Variants in CKAP5 observed in about 807,000 individuals in gnomAD.
CKAP5 encodes the protein cytoskeleton associated protein 5.
Under a neutral mutation model 232.8 loss-of-function variants are expected in CKAP5, and 27 were observed. The ratio of observed to expected loss-of-function variants is 0.12; its 90% CI spans 0.09 to 0.16. The LOEUF is 0.16. CKAP5 is among the 10% of genes least tolerant of loss of function. The pLI is 1.00. For synonymous variants in CKAP5, 785 were observed against 841.1 expected (o/e 0.93, Z 1.16); for missense variants, 1,838 against 2,424.7 (o/e 0.76, Z 5.08).
intron 1 of CKAP5, among the ~76,000 whole-genome samples, chr11:46,844,732 C>G (rs1246210211): frequency 6.6e-6 from 1 of 152,120 alleles, no homozygotes; most frequent in Non-Finnish European, 1.5e-5. Context: ...ACCTCTGTCT[C>G]CCGGGTTCAA....
intron 2 of CKAP5, among the ~76,000 whole-genome samples, chr11:46,818,921 G>A (rs1360622745): frequency 1.3e-5 from 2 of 152,068 alleles, no homozygotes; most frequent in African/African-American, 4.8e-5. Context: ...ATATTACACT[G>A]TATATTAATT....
chr11:46,824,077 T>C (rs557216834), intron 1 of CKAP5, among the ~76,000 whole-genome samples: 1 of 152,316 alleles, frequency 6.6e-6, no homozygotes, highest in South Asian at 2.1e-4. Context: ...TTCACAAATA[T>C]TAAGTAACCT....
chr11:46,790,123 T>C lies in CKAP5; in HGVS notation c.1828A>G (p.Ser610Gly), dbSNP rs1354659622. 6.2e-7 allele frequency: 1 copy of C among 1,612,208 alleles called. No individual in the cohort carries two copies. The highest frequency in any genetic ancestry group is 1.7e-5 in the Admixed American group (1 of 60,014). Residue 610 changes from serine to glycine, a missense_variant, in exon 15 of 44, where the codon AGC (serine) becomes GGC (glycine). Ser to Gly is a moderately conservative substitution (Grantham distance 56). Transcript: ENST00000529230. ...LPPTCIQLLD[S>G]SNWKERLACM... is the part of the protein sequence containing the mutation. ...GCCAGCCTTTCTTTCCAGTTACTGC[T>C]GTCAAGAAGCTGTATACAGGTAGGG...
At chr11:46,843,109 C>A (rs1940100495) in intron 1 of CKAP5, among the ~76,000 whole-genome samples, 1 of 151,674 alleles carries the variant, frequency 6.6e-6, no homozygotes, top group Non-Finnish European at 1.5e-5. Context: ...CAAAGGGAGA[C>A]CCTGCTGGTC....
chr11:46,814,086 C>T (rs1046259041), intron 4 of CKAP5, among the ~76,000 whole-genome samples: 2 of 136,964 alleles, frequency 1.5e-5, no homozygotes, highest in African/African-American at 2.8e-5. Flanking sequence ...GAGCTGAGAT[C>T]GTACCACTGC....
At chr11:46,818,559 C>A in intron 2 of CKAP5, 56 bp from the exon 3 acceptor site, 1 of 1,239,502 alleles carries the variant, frequency 8.1e-7, no homozygotes, top group Non-Finnish European at 1.1e-6. Flanking sequence ...TTATCATCTA[C>A]TATTAATCTG....
chr11:46,795,156 C>T (rs1169489749), intron 13 of CKAP5, among the ~76,000 whole-genome samples: 1 of 151,962 alleles, frequency 6.6e-6, no homozygotes, highest in African/African-American at 2.4e-5. Context: ...TGGCAAATTC[C>T]CATCTCTACT....
At position 46,767,696 on chromosome 11, in the gene CKAP5, CTT is replaced by C. The variant is rs577528674; in HGVS notation, c.3323-35_3323-34del. On this transcript the variant is annotated intron_variant, in intron 26 of 43. Transcript: ENST00000529230. ...GAAAAAAATATATATATACTATAAA[CTT>C]TAACTAATATCATTTTATTTTGGAC... The C allele has an allele frequency of 1.9e-4, 248 of 1,310,642 alleles. 4 individuals are homozygous for C. In the South Asian group the frequency reaches 2.6e-3, roughly 14 times the overall value. The allele number at this position is 1,310,642 out of a possible 1,614,324, so 81.2% of individuals were successfully genotyped here.
chr11:46,783,313 T>C lies in CKAP5; in HGVS notation c.2210A>G (p.Asn737Ser). ...KNPKNQSETL[N>S]WLSNAIKEFG... ...TTCTTTTATGGCATTTGATAGCCAATTCAGAGTTTCTGACTGATTTTTGGG... is the reference window on the plus strand; with the variant it reads ...TTCTTTTATGGCATTTGATAGCCAACTCAGAGTTTCTGACTGATTTTTGGG... Residue 737 changes from asparagine (N) to serine (S), a missense_variant, in exon 18 of 44, where the codon AAT becomes AGT. Physicochemically the swap from Asn to Ser is conservative, Grantham distance 46. This residue lies in a region of CKAP5 where 767 missense variants were observed against 954.6 expected (regional missense o/e 0.80). Transcript: ENST00000529230. The C allele has an allele frequency of 6.2e-7, 1 of 1,612,938 alleles. No homozygotes were observed. The highest frequency in any genetic ancestry group is 8.5e-7 in the Non-Finnish European group (1 of 1,179,494).
intron 8 of CKAP5, among the ~76,000 whole-genome samples, chr11:46,806,396 T>C (rs1466378409): frequency 2.6e-5 from 4 of 152,222 alleles, no homozygotes; most frequent in Non-Finnish European, 5.9e-5. Context: ...ATAAGATTTC[T>C]AATTAATAAC....
At position 46,748,643 on chromosome 11, in the gene CKAP5, T is replaced by C. The variant is rs183591725; in HGVS notation, c.5704+1631A>G. On this transcript the variant is annotated intron_variant, in intron 42 of 43. Coordinates refer to ENST00000529230, the MANE Select transcript of CKAP5 (RefSeq NM_001008938.4). ...CAAAAATTAGCCATGGTAGCAGGCATCTGTAATCCCAGCTACTCGGGAGGC... is the reference window on the plus strand; with the variant it reads ...CAAAAATTAGCCATGGTAGCAGGCACCTGTAATCCCAGCTACTCGGGAGGC... 2.7e-3 allele frequency among the ~76,000 whole-genome samples: 414 copies of C among 151,730 alleles called. 3 individuals are homozygous for C. Among genetic ancestry groups the C allele is most frequent in the African/African-American group, 9.8e-3 (406 of 41,454 alleles).
intron 1 of CKAP5, among the ~76,000 whole-genome samples, chr11:46,833,164 G>A (rs1939832007): frequency 6.6e-6 from 1 of 152,014 alleles, no homozygotes; most frequent in Non-Finnish European, 1.5e-5. Context: ...GGGGTTCAGG[G>A]AAGGTCTCCC....
chr11:46,808,174 C>G (rs191922181), intron 7 of CKAP5, 30 bp from the exon 8 acceptor site: 2 of 1,365,286 alleles, frequency 1.5e-6, no homozygotes, highest in Non-Finnish European at 2.1e-6. Context: ...TCATTTGTAA[C>G]AGGAAATAAG....
intron 1 of CKAP5, among the ~76,000 whole-genome samples, 161 bp downstream of exon 1, chr11:46,846,059 G>C (rs767052416): frequency 5.9e-4 from 90 of 151,850 alleles, no homozygotes; most frequent in Non-Finnish European, 9.3e-4. Flanking sequence ...CAGGTCCCCC[G>C]GCCTCCGGCT....
chr11:46,829,873 T>C (rs1171623465), intron 1 of CKAP5, among the ~76,000 whole-genome samples: 1 of 151,724 alleles, frequency 6.6e-6, no homozygotes, highest in African/African-American at 2.4e-5. Context: ...TGTGTGTGTG[T>C]GTGTGTGTGT....
chr11:46,794,474 G>C lies in CKAP5; in HGVS notation c.1650+1120C>G, dbSNP rs117910357. On this transcript the variant is annotated intron_variant, in intron 13 of 43. Transcript: ENST00000529230. ...CTCAAAACAACCCAATTCAAAAATG[G>C]GCAAAGAACTTGAGTAGATATTTTT... is the stretch of plus-strand genomic sequence containing the variant. Among the ~76,000 whole-genome samples, 387 of 149,136 alleles carry C rather than the reference G, an allele frequency of 2.6e-3. 6 individuals are homozygous for C. The East Asian group carries it at 0.043, about 17-fold the overall frequency.
At chr11:46,752,186 A>ATATATATC in intron 38 of CKAP5, among the ~76,000 whole-genome samples, 1 of 84,192 alleles carries the variant, frequency 1.2e-5, no homozygotes, top group Admixed American at 1.5e-4. Context: ...ATATATATAT[A>ATATATATC]TATATATACA....
At chr11:46,834,068 C>T (rs1169313195) in intron 1 of CKAP5, among the ~76,000 whole-genome samples, 1 of 152,156 alleles carries the variant, frequency 6.6e-6, no homozygotes, top group Non-Finnish European at 1.5e-5. Flanking sequence ...TGGTGTTTCA[C>T]CATGTTGGCC....
chr11:46,777,237 A>G (rs1393929771), intron 23 of CKAP5, among the ~76,000 whole-genome samples: 2 of 152,240 alleles, frequency 1.3e-5, no homozygotes, highest in African/African-American at 4.8e-5. Flanking sequence ...AGCTTATCTA[A>G]AAGTCACAAA....
Sources: allele counts gnomAD v4.1 joint callset (sites outside exome capture counted in the v4.1 genomes callset), GRCh38; gene constraint gnomAD v4.1.1; regional missense constraint gnomAD v4.1.1; transcripts MANE v1.5; gene names NCBI Gene and HGNC (gene_info 2026-07-23, HGNC 2026-07-21).